PARD3B: variants seen among roughly 807,000 people sequenced by gnomAD.
PARD3B encodes the protein partitioning defective 3 homolog B.
In PARD3B, 103 loss-of-function variants were observed where a neutral mutation model predicts 130.2. That is an observed-to-expected ratio of 0.79 (90% CI 0.67 to 0.93). The LOEUF is 0.93. PARD3B is among the 40% of genes least tolerant of loss of function. The pLI, the probability that PARD3B is intolerant of heterozygous loss-of-function variation, is 0.00. For synonymous variants in PARD3B, 583 were observed against 553.2 expected, an observed-to-expected ratio of 1.05 and a Z score of -0.76; for missense variants, 1,609 against 1,499.2, an observed-to-expected ratio of 1.07 and a Z score of -1.21.
chr2:205,088,289 G>C (rs556387773), intron 4 of PARD3B, among the ~76,000 whole-genome samples: 1 of 152,286 alleles, frequency 6.6e-6, no homozygotes, highest in East Asian at 1.9e-4. Context: ...AAATTTGACA[G>C]AGTTTGAGCA....
At chr2:204,670,166 T>C (rs1008103682) in intron 1 of PARD3B, among the ~76,000 whole-genome samples, 126 of 152,310 alleles carry the variant, frequency 8.3e-4, no homozygotes, top group African/African-American at 2.9e-3. Flanking sequence ...AAAGTAATGC[T>C]TACACATGGT....
At chr2:204,586,365 A>C (rs556186914) in intron 1 of PARD3B, among the ~76,000 whole-genome samples, 1 of 152,164 alleles carries the variant, frequency 6.6e-6, no homozygotes, top group East Asian at 1.9e-4. Context: ...CTGAAGACCT[A>C]TGTCTATTTT....
rs148938457 is a variant in PARD3B at position 205,010,626 on chromosome 2, A to C, written c.395-36955A>C. ...GCTGCATATATAATTCTAGGCTAGA[A>C]ATCTATTTGCTTCTGAATCTTGAAT... On this transcript the variant is annotated intron_variant, in intron 3 of 22. Coordinates refer to ENST00000406610, the MANE Select transcript of PARD3B (RefSeq NM_001302769.2). Among the ~76,000 whole-genome samples the C allele has an allele frequency of 6.9e-3, 1,045 of 152,302 alleles. 10 individuals are homozygous for C. Among genetic ancestry groups the C allele is most frequent in the African/African-American group, 0.024 (989 of 41,556 alleles).
chr2:205,063,213 A>G (rs1413981316), intron 4 of PARD3B, among the ~76,000 whole-genome samples: 1 of 152,056 alleles, frequency 6.6e-6, no homozygotes, highest in African/African-American at 2.4e-5. Context: ...CCTTGTAGCT[A>G]TTTTGAAGTA....
At chr2:205,195,571 A>G (rs1328073746) in intron 15 of PARD3B, among the ~76,000 whole-genome samples, 1 of 152,208 alleles carries the variant, frequency 6.6e-6, no homozygotes, top group Non-Finnish European at 1.5e-5. Flanking sequence ...TAAACATTTG[A>G]AAGTGTCTTT....
chr2:205,202,026 A>G (rs2037019869), intron 15 of PARD3B, among the ~76,000 whole-genome samples: 1 of 152,140 alleles, frequency 6.6e-6, no homozygotes, highest in Admixed American at 6.5e-5. Context: ...GAATTCTTAG[A>G]CATCTCTAGT....
At chr2:205,583,632 G>T (rs2054086452) in intron 22 of PARD3B, among the ~76,000 whole-genome samples, 1 of 152,166 alleles carries the variant, frequency 6.6e-6, no homozygotes. Flanking sequence ...CTATTTCACA[G>T]TTGAAGAGTT....
chr2:205,461,286 T>A lies in PARD3B; in HGVS notation c.3044+20614T>A, dbSNP rs1455706437. ...CTGGGCAGAGGAGCAGCATGGGGGA[T>A]GCCCTGATGTGGAAAGGAACTTGGC... On this transcript the variant is annotated intron_variant, in intron 20 of 22. Coordinates refer to ENST00000406610, the MANE Select transcript of PARD3B (RefSeq NM_001302769.2). The surrounding 1 kb of genome is among the most constrained non-coding windows in gnomAD (Gnocchi z 4.3). 4.6e-5 allele frequency among the ~76,000 whole-genome samples: 7 copies of A among 152,152 alleles called. No individual in the cohort carries two copies. The highest frequency in any genetic ancestry group is 1.7e-4 in the African/African-American group (7 of 41,442).
chr2:205,265,361 T>C lies in PARD3B; in HGVS notation c.2185+19539T>C, dbSNP rs555809661. 6.6e-4 allele frequency among the ~76,000 whole-genome samples: 100 copies of C among 152,166 alleles called. 1 individual carries two copies. Among genetic ancestry groups the C allele is most frequent in the Non-Finnish European group, 1.3e-3 (88 of 67,940 alleles). On this transcript the variant is annotated intron_variant, in intron 16 of 22. Coordinates refer to ENST00000406610, the MANE Select transcript of PARD3B (RefSeq NM_001302769.2). The surrounding 1 kb of genome is among the most constrained non-coding windows in gnomAD (Gnocchi z 4.3). ...ATCATCAGTCTCTAAATGTTAGTAA[T>C]CATTTGGTTTATTTACTTTTGAAAT...
At chr2:205,154,219 A>G (rs182834579) in intron 10 of PARD3B, among the ~76,000 whole-genome samples, 1 of 152,354 alleles carries the variant, frequency 6.6e-6, no homozygotes, top group East Asian at 1.9e-4. Context: ...AAGCAACCCC[A>G]TCCAAAAGTG....
intron 18 of PARD3B, among the ~76,000 whole-genome samples, chr2:205,368,866 A>C (rs1377859098): frequency 2.6e-5 from 4 of 151,880 alleles, no homozygotes; most frequent in South Asian, 2.1e-4. Context: ...AAAACAAAAA[A>C]AAAAAAAACA....
chr2:204,609,879 T>C (rs73059010), intron 1 of PARD3B, among the ~76,000 whole-genome samples: 1 of 152,252 alleles, frequency 6.6e-6, no homozygotes, highest in South Asian at 2.1e-4. Context: ...TCTCTACATA[T>C]GCAAATTTCC....
At chr2:204,953,685 A>T (rs1468959405) in intron 2 of PARD3B, among the ~76,000 whole-genome samples, 2 of 152,142 alleles carry the variant, frequency 1.3e-5, no homozygotes, top group East Asian at 1.9e-4. Context: ...GGAGTATTAG[A>T]TTGAGGACTG....
chr2:205,419,116 C>T (rs1355898055), intron 19 of PARD3B, among the ~76,000 whole-genome samples: 1 of 152,094 alleles, frequency 6.6e-6, no homozygotes, highest in Non-Finnish European at 1.5e-5. Context: ...CAAATCTCAT[C>T]TTGAATTGCA....
intron 21 of PARD3B, among the ~76,000 whole-genome samples, chr2:205,506,943 C>T (rs1324550189): frequency 6.6e-6 from 1 of 152,164 alleles, no homozygotes; most frequent in African/African-American, 2.4e-5. Context: ...CCAGACAGGC[C>T]ATTAGGAGTC....
chr2:205,286,461 C>A (rs2105856387), intron 16 of PARD3B, among the ~76,000 whole-genome samples: 1 of 152,254 alleles, frequency 6.6e-6, no homozygotes, highest in Admixed American at 6.5e-5. Context: ...AGATTCTAAA[C>A]CTTTCAATTC....
intron 3 of PARD3B, among the ~76,000 whole-genome samples, chr2:204,983,351 C>G (rs1692844281): frequency 6.8e-6 from 1 of 147,960 alleles, no homozygotes; most frequent in Non-Finnish European, 1.5e-5. Flanking sequence ...AAGGTTCCAA[C>G]CGAGGCTTTA....
At chr2:205,022,405 A>G (rs1696685845) in intron 3 of PARD3B, among the ~76,000 whole-genome samples, 1 of 152,208 alleles carries the variant, frequency 6.6e-6, no homozygotes, top group African/African-American at 2.4e-5. Flanking sequence ...AAACCAACTT[A>G]GAGTGAATCT....
chr2:205,335,995 C>A (rs2043301892), intron 18 of PARD3B, among the ~76,000 whole-genome samples: 1 of 152,150 alleles, frequency 6.6e-6, no homozygotes, highest in Non-Finnish European at 1.5e-5. Context: ...AGTTACAATT[C>A]AAGATGACAT....
Sources: gnomAD v4.1 joint callset for allele counts (sites outside exome capture counted in the v4.1 genomes callset) on GRCh38, gnomAD v4.1.1 for gene constraint, Gnocchi (gnomAD v3.1) non-coding constraint, MANE v1.5 for transcripts, NCBI Gene and HGNC (gene_info 2026-07-23, HGNC 2026-07-21) for gene names.